The following TRPC3 variants were observed in gnomAD, a reference collection of about 807,000 sequenced individuals.
The protein encoded by TRPC3 is transient receptor potential cation channel subfamily C member 3.
In TRPC3, 54 loss-of-function variants were observed where a neutral mutation model predicts 90.9. The observed-to-expected ratio is 0.59, with a 90% CI of 0.48 to 0.75. The LOEUF is 0.75. Among genes scored for constraint, TRPC3 ranks in the 30% least tolerant of loss-of-function variants. The pLI, the probability that TRPC3 is intolerant of heterozygous loss-of-function variation, is 0.00. For synonymous variants in TRPC3, 424 were observed against 450.9 expected (o/e 0.94, Z 0.75); for missense variants, 918 against 1,194.5 (o/e 0.77, Z 3.41).
intron 1 of TRPC3, among the ~76,000 whole-genome samples, chr4:121,942,382 T>C (rs1457893641): frequency 3.3e-5 from 5 of 152,048 alleles, no homozygotes; most frequent in African/African-American, 9.7e-5. Flanking sequence ...GGCAACAAAG[T>C]GAAACCCCAT....
intron 2 of TRPC3, among the ~76,000 whole-genome samples, chr4:121,929,616 A>C (rs546256159): frequency 5.9e-5 from 9 of 152,108 alleles, no homozygotes; most frequent in Non-Finnish European, 2.9e-5. Flanking sequence ...ATCCTCCATT[A>C]ATTTATCTAA....
intron 10 of TRPC3, among the ~76,000 whole-genome samples, chr4:121,890,845 G>A (rs1188564105): frequency 6.6e-6 from 1 of 151,802 alleles, no homozygotes; most frequent in Non-Finnish European, 1.5e-5. Flanking sequence ...TACAAAAATT[G>A]ACCAGGTGTG....
Position 121,902,942 on chromosome 4 carries a change from A to C in TRPC3, c.2373T>G (p.Tyr791Ter). ...SLVPSPKSFV[Y>*]FIMRIVNFPK... ...GAAAGTTAACAATTCGCATGATGAA[A>C]TAAACAAATGATTTTGGACTAGGAA... Residue 791 changes from tyrosine to a stop codon, truncating the protein, a stop_gained, in exon 9 of 12, where the codon TAT (tyrosine) becomes TAG (stop). Coordinates refer to ENST00000379645, the MANE Select transcript of TRPC3 (RefSeq NM_001130698.2). LOFTEE classifies it high-confidence loss of function. The C allele has an allele frequency of 6.2e-7, 1 of 1,613,604 alleles. No homozygotes were observed.
chr4:121,915,862 T>G (rs541891513), intron 3 of TRPC3, among the ~76,000 whole-genome samples: 1 of 152,286 alleles, frequency 6.6e-6, no homozygotes, highest in South Asian at 2.1e-4. Context: ...TAGACACACC[T>G]TTTTTTGAAT....
At chr4:121,884,604 G>A (rs1204674532) in intron 10 of TRPC3, among the ~76,000 whole-genome samples, 1 of 152,154 alleles carries the variant, frequency 6.6e-6, no homozygotes, top group South Asian at 2.1e-4. Flanking sequence ...TTATGCCAAG[G>A]TCAAGTAAAA....
chr4:121,892,259 G>C (rs1728356526), intron 10 of TRPC3, among the ~76,000 whole-genome samples: 1 of 152,132 alleles, frequency 6.6e-6, no homozygotes, highest in Non-Finnish European at 1.5e-5. Context: ...ATCCACTTCA[G>C]CAGACACTGC....
In TRPC3 at chr4:121,914,809, T is replaced by A. The variant is rs150143801; in HGVS notation, c.1312A>T (p.Ile438Phe). Residue 438 changes from isoleucine (I) to phenylalanine (F), a missense_variant, in exon 4 of 12, where the codon ATT (isoleucine) becomes TTT (phenylalanine). Around this residue, in one of 4 missense-constraint regions of TRPC3, gnomAD observed 609 missense variants for 725.9 expected, o/e 0.84. Coordinates refer to ENST00000379645, the MANE Select transcript of TRPC3 (RefSeq NM_001130698.2). ...VVALGLPFLA[I>F]GYWIAPCSRL... ...CTGCAAGGTGCGATCCAGTAGCCAA[T>A]GGCCAGGAATGGAAGGCCCAGGGCC... 2,261 of 1,612,480 alleles carry A rather than the reference T, an allele frequency of 1.4e-3. 2 individuals carry two copies. Among genetic ancestry groups the A allele is most frequent in the Non-Finnish European group, 1.8e-3 (2,137 of 1,178,820 alleles).
At chr4:121,895,180 GT>G (rs1178014128) in intron 10 of TRPC3, among the ~76,000 whole-genome samples, 1 of 151,846 alleles carries the variant, frequency 6.6e-6, no homozygotes, top group African/African-American at 2.4e-5. Flanking sequence ...TAAGGGGCAA[GT>G]TTATAGCAAT....
Position 121,925,043 on chromosome 4 carries a change from A to G in TRPC3, c.1151T>C (p.Leu384Pro). Residue 384 changes from leucine to proline, a missense_variant, in exon 3 of 12, where the codon CTT becomes CCT. Transcript: ENST00000379645. Reference protein sequence around the residue: ...RHKASLSRVKLAIKYEVKKFV... With the variant: ...RHKASLSRVKPAIKYEVKKFV... The stretch of plus-strand genomic sequence containing the variant: ...CTTTTTGACTTCATACTTAATGGCA[A>G]GTTTGACACGACTTAATGAAGCTTT... 1.2e-6 allele frequency: 2 copies of G among 1,613,000 alleles called. No homozygotes were observed. The highest frequency in any genetic ancestry group is 1.7e-6 in the Non-Finnish European group (2 of 1,179,674).
chr4:121,911,056 C>G (rs1729066649), intron 5 of TRPC3, among the ~76,000 whole-genome samples: 1 of 152,116 alleles, frequency 6.6e-6, no homozygotes, highest in African/African-American at 2.4e-5. Flanking sequence ...ACAAATTGTC[C>G]TGACTACATA....
intron 2 of TRPC3, among the ~76,000 whole-genome samples, chr4:121,927,164 T>G (rs1729750327): frequency 6.6e-6 from 1 of 152,186 alleles, no homozygotes; most frequent in Admixed American, 6.5e-5. Context: ...AGAGAAAAAT[T>G]TCCAGGCCAC....
rs1238840323 is a variant in TRPC3 at position 121,931,303 on chromosome 4, A to C, written c.987+968T>G. On this transcript the variant is annotated intron_variant, in intron 2 of 11. Transcript: ENST00000379645. ...AAAAAGATTAACTTAGCATCTAGAA[A>C]ATAATTCAAGGAATTGATGTCTACA... Among the ~76,000 whole-genome samples the C allele has an allele frequency of 5.3e-5, 8 of 152,358 alleles. No homozygotes were observed. The East Asian group carries it at 1.5e-3, about 29-fold the overall frequency.
chr4:121,922,797 A>G (rs1729569853), intron 3 of TRPC3, among the ~76,000 whole-genome samples: 1 of 152,260 alleles, frequency 6.6e-6, no homozygotes, highest in African/African-American at 2.4e-5. Flanking sequence ...GCTCAAAACT[A>G]TCCTTTTCCC....
At chr4:121,887,185 G>A (rs1162068308) in intron 10 of TRPC3, among the ~76,000 whole-genome samples, 1 of 152,116 alleles carries the variant, frequency 6.6e-6, no homozygotes, top group Non-Finnish European at 1.5e-5. Flanking sequence ...AGTTCAGACT[G>A]CTCTGAGCTA....
At chr4:121,910,409 G>A (rs747957672) in intron 5 of TRPC3, 22 bp from the exon 6 acceptor site, 2 of 1,599,874 alleles carry the variant, frequency 1.3e-6, no homozygotes, top group Admixed American at 1.7e-5. Context: ...AATACAGAGG[G>A]TGCAGGTCAG....
chr4:121,907,757 T>G (rs1266451068), intron 6 of TRPC3, among the ~76,000 whole-genome samples, 190 bp from the exon 7 acceptor site: 1 of 152,070 alleles, frequency 6.6e-6, no homozygotes, highest in Non-Finnish European at 1.5e-5. Context: ...CTATATTACT[T>G]TAGATGGAGG....
intron 4 of TRPC3, among the ~76,000 whole-genome samples, chr4:121,912,952 T>C (rs1464606184): frequency 6.6e-6 from 1 of 152,256 alleles, no homozygotes; most frequent in Non-Finnish European, 1.5e-5. Context: ...TTCTCTTTTC[T>C]ACACTCTCAG....
rs986474703 is a variant in TRPC3 at position 121,877,048 on chromosome 4, GGTTT to G, written c.*2684_*2687del. Among the ~76,000 whole-genome samples, 4 of 152,216 alleles carry G rather than the reference GGTTT, an allele frequency of 2.6e-5. No individual in the cohort carries two copies. Among genetic ancestry groups the G allele is most frequent in the Admixed American group, 1.3e-4 (2 of 15,288 alleles). ...TGAGTTGCCCCAACAACTTCTTTGAGGTTTGTTTTCCCAAAGGTACCTGTTAAAA... is the reference window on the plus strand; with the variant it reads ...TGAGTTGCCCCAACAACTTCTTTGAGGTTTTCCCAAAGGTACCTGTTAAAA... On this transcript the variant is annotated 3_prime_UTR_variant, in exon 12 of 12. Coordinates refer to ENST00000379645, the MANE Select transcript of TRPC3 (RefSeq NM_001130698.2).
chr4:121,881,874 G>A (rs1025916789), intron 11 of TRPC3, among the ~76,000 whole-genome samples: 2 of 152,016 alleles, frequency 1.3e-5, no homozygotes, highest in African/African-American at 4.8e-5. Context: ...TAAGGAGGCA[G>A]GGGGGAAAGT....
Sources: gnomAD v4.1 joint callset for allele counts (sites outside exome capture counted in the v4.1 genomes callset) on GRCh38, gnomAD v4.1.1 for gene constraint, gnomAD v4.1.1 regional missense constraint, MANE v1.5 for transcripts, NCBI Gene and HGNC (gene_info 2026-07-23, HGNC 2026-07-21) for gene names.